Variants in UIMC1 observed in about 807,000 individuals in gnomAD.
UIMC1 encodes BRCA1-A complex subunit RAP80.
UIMC1 carries 42 observed loss-of-function variants against 84.9 expected under a neutral mutation model. The ratio of observed to expected loss-of-function variants is 0.49; its 90% CI spans 0.39 to 0.64. The LOEUF (loss-of-function observed/expected upper bound fraction) is 0.64. Among genes scored for constraint, UIMC1 ranks in the 30% least tolerant of loss-of-function variants. The pLI, the probability that UIMC1 is intolerant of heterozygous loss-of-function variation, is 0.00. For missense variants in UIMC1, 825 were observed against 847.6 expected (o/e 0.97, Z 0.33); for synonymous variants, 281 against 293.0 (o/e 0.96, Z 0.42).
At chr5:177,001,104 T>C (rs1345726691) in intron 1 of UIMC1, among the ~76,000 whole-genome samples, 1 of 152,216 alleles carries the variant, frequency 6.6e-6, no homozygotes, top group African/African-American at 2.4e-5. Context: ...CTAGAGAGTT[T>C]CCCCAAAGTT....
At chr5:176,953,392 C>T (rs1428666803) in intron 8 of UIMC1, among the ~76,000 whole-genome samples, 2 of 151,970 alleles carry the variant, frequency 1.3e-5, no homozygotes, top group African/African-American at 4.8e-5. Flanking sequence ...AGGGCATCTG[C>T]AAGTTTCTAA....
intron 9 of UIMC1, among the ~76,000 whole-genome samples, chr5:176,943,863 G>A (rs1764758733): frequency 6.6e-6 from 1 of 152,152 alleles, no homozygotes; most frequent in African/African-American, 2.4e-5. Flanking sequence ...GTGTAAAACA[G>A]TAAAGCAATT....
At chr5:176,982,944 C>T (rs1771275632) in intron 1 of UIMC1, among the ~76,000 whole-genome samples, 1 of 152,152 alleles carries the variant, frequency 6.6e-6, no homozygotes, top group Admixed American at 6.5e-5. Flanking sequence ...GGTGATCCAC[C>T]CGTGTCAGCC....
intron 1 of UIMC1, among the ~76,000 whole-genome samples, chr5:176,985,113 G>T (rs941388933): frequency 6.6e-6 from 1 of 152,094 alleles, no homozygotes; most frequent in African/African-American, 2.4e-5. Context: ...AAAATATAGA[G>T]GAATTTTTTT....
chr5:176,953,172 C>G (rs1424041599), intron 8 of UIMC1, among the ~76,000 whole-genome samples: 3 of 152,162 alleles, frequency 2.0e-5, no homozygotes, highest in African/African-American at 7.2e-5. Context: ...TGATCTTGGA[C>G]TCTCCAGCCC....
chr5:176,943,278 G>C, intron 10 of UIMC1, 57 bp downstream of exon 10: 1 of 1,590,082 alleles, frequency 6.3e-7, no homozygotes, highest in Non-Finnish European at 8.6e-7. Flanking sequence ...TAATGTATAG[G>C]ATTATAAAAC....
intron 1 of UIMC1, among the ~76,000 whole-genome samples, chr5:177,000,498 C>CTTTTTTTTTTTTTT (rs966855813): frequency 8.8e-5 from 10 of 113,358 alleles, no homozygotes; most frequent in African/African-American, 3.6e-4. Flanking sequence ...ACTTGCATGT[C>CTTTTTTTTTTTTTT]TTTTTTTTTT....
At chr5:177,009,913 T>G (rs1443043272), upstream of UIMC1, among the ~76,000 whole-genome samples, 1 of 152,076 alleles carries the variant, frequency 6.6e-6, no homozygotes, top group Non-Finnish European at 1.5e-5. The surrounding 1 kb of genome is among the most constrained non-coding windows in gnomAD (Gnocchi z 4.3). Context: ...CACGCGCCAG[T>G]AAGTCCCAGC....
At chr5:176,915,265 C>T (rs1760823541) in intron 10 of UIMC1, among the ~76,000 whole-genome samples, 2 of 147,396 alleles carry the variant, frequency 1.4e-5, no homozygotes, top group Non-Finnish European at 3.0e-5. Context: ...TTCTCTTCAG[C>T]ATCCTCAGCA....
At chr5:176,980,621 A>G (rs763531935) in intron 2 of UIMC1, among the ~76,000 whole-genome samples, 1 of 152,178 alleles carries the variant, frequency 6.6e-6, no homozygotes, top group Non-Finnish European at 1.5e-5. Flanking sequence ...ATATCTTTCT[A>G]AACTGTTATG....
chr5:176,990,693 G>A (rs948419550), intron 1 of UIMC1, among the ~76,000 whole-genome samples: 2 of 152,068 alleles, frequency 1.3e-5, no homozygotes, highest in Non-Finnish European at 2.9e-5. Context: ...TGTTTCTTGA[G>A]ATAGGGGCTT....
At chr5:176,948,482 T>C in intron 9 of UIMC1, among the ~76,000 whole-genome samples, 1 of 152,216 alleles carries the variant, frequency 6.6e-6, no homozygotes, top group South Asian at 2.1e-4. Flanking sequence ...ATTTTACATA[T>C]GAAAAACTGA....
intron 1 of UIMC1, among the ~76,000 whole-genome samples, chr5:177,003,051 G>C (rs1774766247): frequency 6.6e-6 from 1 of 151,926 alleles, no homozygotes; most frequent in Admixed American, 6.6e-5. Context: ...AGAGCACAAA[G>C]TGTATATTTA....
Position 176,955,964 on chromosome 5 carries a change from C to G in UIMC1, c.1334G>C (p.Cys445Ser), listed in dbSNP as rs371814083. Residue 445 changes from cysteine (C) to serine (S), a missense_variant, in exon 8 of 15, where the codon TGT (cysteine) becomes TCT (serine). Coordinates refer to ENST00000511320, the MANE Select transcript of UIMC1 (RefSeq NM_001199298.2). ...AATCACAGTGGGGTACTTACCAGGA[C>G]AAACAGTGATTTCTTCTGCAGAACT... Reference protein sequence around the residue: ...PESSAEEITVCPETQLSSSET... With the variant: ...PESSAEEITVSPETQLSSSET... 6.2e-7 allele frequency: 1 copy of G among 1,613,528 alleles called. No homozygotes were observed. Among genetic ancestry groups the G allele is most frequent in the Middle Eastern group, 1.7e-4 (1 of 6,060 alleles).
At chr5:176,993,248 C>T (rs1195345968) in intron 1 of UIMC1, among the ~76,000 whole-genome samples, 1 of 152,014 alleles carries the variant, frequency 6.6e-6, no homozygotes, top group Non-Finnish European at 1.5e-5. Context: ...CTTTATGAGG[C>T]CAACACGGCT....
chr5:176,909,928 G>A (rs774492596), intron 11 of UIMC1, among the ~76,000 whole-genome samples: 5 of 152,166 alleles, frequency 3.3e-5, no homozygotes, highest in Admixed American at 2.6e-4. Context: ...CTTAAAAAAC[G>A]AAAGAATAAC....
intron 1 of UIMC1, among the ~76,000 whole-genome samples, chr5:176,984,575 T>C (rs1364233641): frequency 4.0e-5 from 6 of 148,612 alleles, no homozygotes; most frequent in African/African-American, 1.5e-4. Context: ...ATCTGGGAGG[T>C]GTACCCAACA....
intron 6 of UIMC1, among the ~76,000 whole-genome samples, chr5:176,964,252 C>A (rs1767970293): frequency 6.6e-6 from 1 of 152,222 alleles, no homozygotes; most frequent in African/African-American, 2.4e-5. Context: ...ACTACAATCA[C>A]AGGACCTACA....
chr5:176,960,639 G>A (rs1484343986), intron 6 of UIMC1, among the ~76,000 whole-genome samples: 1 of 62,790 alleles, frequency 1.6e-5, no homozygotes, highest in Admixed American at 1.4e-4. Flanking sequence ...CTCCGTCTCC[G>A]TCTCCGTCTC....
Sources: allele counts gnomAD v4.1 joint callset (sites outside exome capture counted in the v4.1 genomes callset), GRCh38; gene constraint gnomAD v4.1.1; non-coding constraint Gnocchi (gnomAD v3.1); transcripts MANE v1.5; gene names NCBI Gene and HGNC (gene_info 2026-07-23, HGNC 2026-07-21).